HSD17B4: variants seen among roughly 807,000 people sequenced by gnomAD.
HSD17B4 encodes peroxisomal multifunctional enzyme type 2.
A neutral mutation model predicts 101.0 loss-of-function variants in HSD17B4; 70 were observed. That is an observed-to-expected ratio of 0.69 (90% CI 0.57 to 0.85). The LOEUF is 0.85. HSD17B4 is among the 40% of genes least tolerant of loss of function. HSD17B4 has a pLI of 0.00. For synonymous variants in HSD17B4, 347 were observed against 297.1 expected, an observed-to-expected ratio of 1.17 and a Z score of -1.73; for missense variants, 984 against 892.4, an observed-to-expected ratio of 1.10 and a Z score of -1.31.
rs757322302 is a variant in HSD17B4 at position 119,496,685 on chromosome 5, G to T, written c.972+39G>T. 32 of 1,086,470 alleles carry T rather than the reference G, an allele frequency of 2.9e-5. No individual in the cohort carries two copies. In the South Asian group the frequency reaches 3.2e-4, roughly 11 times the overall value. 67.3% of individuals were successfully genotyped at this position (1,086,470 alleles called of 1,614,324 possible). On this transcript the variant is annotated intron_variant, in intron 12 of 23. Transcript: ENST00000510025. ...AAGCCTAAAGCGTTTGCCTTCTCTG[G>T]AGACTTTCCCTCCCTTCTTCCCTCC...
intron 23 of HSD17B4, 63 bp from the exon 24 acceptor site, chr5:119,541,842 A>AAAAAAAAT: frequency 9.5e-7 from 1 of 1,048,748 alleles, no homozygotes; most frequent in Non-Finnish European, 1.5e-6. Context: ...CTTAAAAAAA[A>AAAAAAAAT]AAAAAAGAAA....
chr5:119,515,313 T>C (rs115507269), intron 17 of HSD17B4, among the ~76,000 whole-genome samples: 183 of 152,258 alleles, frequency 1.2e-3, no homozygotes, highest in African/African-American at 4.1e-3. Flanking sequence ...TTGTTGGTAA[T>C]GGAGTGCTTT....
At chr5:119,526,244 T>A (rs1753584382) in intron 19 of HSD17B4, among the ~76,000 whole-genome samples, 1 of 151,552 alleles carries the variant, frequency 6.6e-6, no homozygotes, top group Non-Finnish European at 1.5e-5. Flanking sequence ...TTTTGACAGA[T>A]TAACTGGGTT....
intron 9 of HSD17B4, among the ~76,000 whole-genome samples, chr5:119,490,574 A>T (rs994460150): frequency 2.2e-4 from 34 of 151,172 alleles, no homozygotes; most frequent in African/African-American, 4.9e-5. Flanking sequence ...TTTTATTTTT[A>T]TTTTTTTTGA....
rs1753475960 is a variant in HSD17B4 at position 119,525,246 on chromosome 5, A to G, written c.1534A>G (p.Asn512Asp). ...AALYRLSGDW[N>D]PLHIDPNFAS... ...TTTGTACCGCCTCAGTGGAGACTGG[A>G]ATCCCTTACACATTGATCCTAACTT... is the stretch of plus-strand genomic sequence containing the variant. The change falls in exon 18 of 24, where the codon AAT (asparagine) becomes GAT (aspartate). Residue 512 changes from asparagine (N) to aspartate (D), a missense_variant. Asn to Asp is a conservative substitution (Grantham distance 23, BLOSUM62 1). Transcript: ENST00000510025. 3 of 1,612,416 alleles carry G rather than the reference A, an allele frequency of 1.9e-6. No individual in the cohort carries two copies. Among genetic ancestry groups the G allele is most frequent in the Non-Finnish European group, 2.5e-6 (3 of 1,178,706 alleles).
chr5:119,471,660 T>A, intron 2 of HSD17B4: 1 of 1,460,690 alleles, frequency 6.8e-7, no homozygotes, highest in Non-Finnish European at 9.1e-7. Context: ...GCAATAACCC[T>A]ATGGAGAAGA....
At chr5:119,492,395 C>T in intron 10 of HSD17B4, 1 of 471,922 alleles carries the variant, frequency 2.1e-6, no homozygotes, top group East Asian at 3.8e-5. Flanking sequence ...GCTATTCCTT[C>T]AGACAGCATA....
chr5:119,505,450 G>A (rs1295181891), intron 14 of HSD17B4, among the ~76,000 whole-genome samples: 1 of 152,088 alleles, frequency 6.6e-6, no homozygotes, highest in African/African-American at 2.4e-5. Flanking sequence ...TCCTTGTAGA[G>A]ACCTTACACC....
At chr5:119,511,701 C>T (rs1211233762) in intron 16 of HSD17B4, among the ~76,000 whole-genome samples, 2 of 152,032 alleles carry the variant, frequency 1.3e-5, no homozygotes, top group Non-Finnish European at 2.9e-5. Context: ...AGAGGCTGTA[C>T]ACTATTGGGA....
intron 8 of HSD17B4, among the ~76,000 whole-genome samples, chr5:119,480,005 T>C (rs1207901532): frequency 6.6e-6 from 1 of 152,182 alleles, no homozygotes; most frequent in African/African-American, 2.4e-5. Context: ...CAGCATTTTT[T>C]ATTGTCAGTA....
intron 7 of HSD17B4, chr5:119,478,175 T>C (rs1193233016): frequency 1.3e-5 from 2 of 155,668 alleles, no homozygotes; most frequent in African/African-American, 4.8e-5. Flanking sequence ...TTAGGAACTG[T>C]AGGACCCCTC....
At position 119,514,992 on chromosome 5, in the gene HSD17B4, C is replaced by T. The variant is rs770218114; in HGVS notation, c.1449C>T (p.Ala483=). The T allele has an allele frequency of 2.6e-6, 4 of 1,550,270 alleles. No individual in the cohort carries two copies. The East Asian group carries it at 9.0e-5, about 35-fold the overall frequency. Residue 483 remains alanine (A), a synonymous_variant, in exon 17 of 24, where the codon GCC becomes GCT. Transcript: ENST00000510025. ...RTSDKVKVAV[A]IPNRPPDAVL... ...TGTCTTAATTTTAGGTAGCTGTAGC[C>T]ATACCTAATAGACCTCCTGATGCTG...
chr5:119,531,997 T>TGGAGG (rs970552480), intron 22 of HSD17B4, among the ~76,000 whole-genome samples: 2 of 152,132 alleles, frequency 1.3e-5, no homozygotes, highest in Non-Finnish European at 2.9e-5. Context: ...TTCACTGATG[T>TGGAGG]GGAGGTCCAA....
chr5:119,542,033 A>T lies in HSD17B4; in HGVS notation c.*39A>T, dbSNP rs113295679. 231 of 1,333,772 alleles carry T rather than the reference A, an allele frequency of 1.7e-4. 2 individuals are homozygous for T. In the African/African-American group the frequency reaches 2.8e-3, roughly 16 times the overall value. 82.6% of individuals were successfully genotyped at this position (1,333,772 alleles called of 1,614,324 possible). ...CTATTAATAAAAATGGAATCATTAA[A>T]TACTCTCTTCACCCAAATATGCTTG... On this transcript the variant is annotated 3_prime_UTR_variant, in exon 24 of 24. Coordinates refer to ENST00000510025, the MANE Select transcript of HSD17B4 (RefSeq NM_000414.4).
chr5:119,492,227 G>A lies in HSD17B4; in HGVS notation c.739+103G>A, dbSNP rs1048076015. 48 of 838,738 alleles carry A rather than the reference G, an allele frequency of 5.7e-5. No individual in the cohort carries two copies. The African/African-American group carries it at 7.9e-4, about 14-fold the overall frequency. The allele number at this position is 838,738 out of a possible 1,614,324, so 52.0% of individuals were successfully genotyped here. ...GATTTTTGTCAAATGCCTAACCATT[G>A]GATATAGTGCTTGCATATTCAAACT... On this transcript the variant is annotated intron_variant, in intron 10 of 23. Coordinates refer to ENST00000510025, the MANE Select transcript of HSD17B4 (RefSeq NM_000414.4).
intron 2 of HSD17B4, chr5:119,456,762 G>T: frequency 4.1e-6 from 1 of 242,920 alleles, no homozygotes; most frequent in Non-Finnish European, 8.1e-6. Flanking sequence ...CACAGAAAAG[G>T]GTGGGGACAA....
At chr5:119,525,151 T>A in intron 17 of HSD17B4, 65 bp from the exon 18 acceptor site, 1 of 1,085,304 alleles carries the variant, frequency 9.2e-7, no homozygotes, top group Non-Finnish European at 1.4e-6. Flanking sequence ...CCATGTTTCC[T>A]ATTTTTCATT....
chr5:119,539,388 C>A (rs1334588998), intron 23 of HSD17B4, among the ~76,000 whole-genome samples: 3 of 143,442 alleles, frequency 2.1e-5, no homozygotes, highest in Middle Eastern at 3.7e-3. Context: ...ACAATGAGAA[C>A]ACCTGGACAG....
chr5:119,505,115 A>C (rs1409267773), intron 14 of HSD17B4, among the ~76,000 whole-genome samples: 1 of 151,018 alleles, frequency 6.6e-6, no homozygotes, highest in Non-Finnish European at 1.5e-5. Context: ...CTTTTCTTGT[A>C]CCAGTGCCAT....
Sources: gnomAD v4.1 joint callset for allele counts (sites outside exome capture counted in the v4.1 genomes callset) on GRCh38, gnomAD v4.1.1 for gene constraint, MANE v1.5 for transcripts, NCBI Gene and HGNC (gene_info 2026-07-23, HGNC 2026-07-21) for gene names.